KIF19: variants seen among roughly 807,000 people sequenced by gnomAD.
The protein encoded by KIF19 is kinesin family member 19.
KIF19 carries 98 observed loss-of-function variants against 106.6 expected under a neutral mutation model. The ratio of observed to expected loss-of-function variants is 0.92; its 90% confidence interval spans 0.78 to 1.09. The LOEUF (loss-of-function observed/expected upper bound fraction) is 1.09. KIF19 is among the 50% of genes least tolerant of loss of function. KIF19 has a pLI of 0.00. For synonymous variants in KIF19, 516 were observed against 584.2 expected, an observed-to-expected ratio of 0.88 and a Z score of 1.68; for missense variants, 1,373 against 1,414.3, an observed-to-expected ratio of 0.97 and a Z score of 0.47.
At chr17:74,336,338 C>G (rs139468160) in intron 2 of KIF19, among the ~76,000 whole-genome samples, 1 of 152,154 alleles carries the variant, frequency 6.6e-6, no homozygotes, top group Admixed American at 6.5e-5. Context: ...GGATTACAGG[C>G]GTGAGCCACC....
intron 2 of KIF19, among the ~76,000 whole-genome samples, chr17:74,332,207 TG>T (rs2054108217): frequency 3.1e-3 from 144 of 47,048 alleles, no homozygotes; most frequent in African/African-American, 0.011. Context: ...TGTGTGTGTG[TG>T]TTTGTGTGTG....
intron 1 of KIF19, among the ~76,000 whole-genome samples, chr17:74,327,655 T>C (rs907299878): frequency 6.6e-6 from 1 of 152,170 alleles, no homozygotes; most frequent in Admixed American, 6.5e-5. Context: ...GTATTTTTAG[T>C]AGAGACGGTG....
Position 74,351,995 on chromosome 17 carries a change from C to T in KIF19, c.1716C>T (p.Leu572=). The change falls in exon 13 of 20, where the codon CTC becomes CTT. Residue 572 remains leucine, a synonymous_variant. Transcript: ENST00000389916. ...VLSLLCRVHE[L]EVENTEMQSH... ...GCCTGCTGTGCCGCGTGCACGAGCT[C>T]GAGGTGGAGAACACCGAGATGCAGT... is the stretch of plus-strand genomic sequence containing the variant. 1 of 1,543,740 alleles carries T rather than the reference C, an allele frequency of 6.5e-7. No homozygotes were observed. Among genetic ancestry groups the T allele is most frequent in the Non-Finnish European group, 8.7e-7 (1 of 1,153,086 alleles).
At chr17:74,341,382 T>G (rs554703077) in intron 2 of KIF19, among the ~76,000 whole-genome samples, 4 of 152,320 alleles carry the variant, frequency 2.6e-5, no homozygotes, top group Non-Finnish European at 4.4e-5. Flanking sequence ...TGACACAAAA[T>G]GAGCCCTGAC....
Position 74,341,881 on chromosome 17 carries a change from G to A in KIF19, c.126G>A (p.Val42=), listed in dbSNP as rs1567906776. The part of the protein sequence containing the change: ...LIAHKVDEQM[V]VLMDPMEDPD... The stretch of plus-strand genomic sequence containing the variant: ...TCCCTCTGGGGACCTTGCAGATGGT[G>A]GTTCTCATGGACCCAATGGAGGATC... The change falls in exon 3 of 20, where the codon GTG becomes GTA. Residue 42 remains valine (V), a synonymous_variant. Transcript: ENST00000389916. 6.2e-7 allele frequency: 1 copy of A among 1,613,376 alleles called. No homozygotes were observed. The highest frequency in any genetic ancestry group is 2.2e-5 in the East Asian group (1 of 44,862).
intron 1 of KIF19, 42 bp from the exon 2 acceptor site, chr17:74,328,383 G>A (rs1227654468): frequency 2.6e-6 from 4 of 1,565,262 alleles, no homozygotes; most frequent in Non-Finnish European, 8.7e-7. Flanking sequence ...GCCCAGCATG[G>A]TCCTCTCCCT....
chr17:74,332,939 C>T (rs1182503064), intron 2 of KIF19, among the ~76,000 whole-genome samples: 1 of 152,220 alleles, frequency 6.6e-6, no homozygotes, highest in Non-Finnish European at 1.5e-5. Flanking sequence ...GAAACCTGCC[C>T]CACCCACCCC....
chr17:74,344,382 G>A (rs757711335), intron 6 of KIF19, 34 bp downstream of exon 6: 16 of 1,605,270 alleles, frequency 1.0e-5, no homozygotes, highest in Non-Finnish European at 1.4e-5. Flanking sequence ...GAGCCGCTGA[G>A]AGGAAGCTCA....
intron 2 of KIF19, among the ~76,000 whole-genome samples, chr17:74,339,945 T>C (rs1217083386): frequency 6.6e-6 from 1 of 152,122 alleles, no homozygotes; most frequent in Non-Finnish European, 1.5e-5. Context: ...GGCAGAGTCA[T>C]GGGTGCGGGG....
chr17:74,347,582 G>A (rs1470175168), intron 8 of KIF19, among the ~76,000 whole-genome samples, 195 bp from the exon 9 acceptor site: 1 of 151,570 alleles, frequency 6.6e-6, no homozygotes. Flanking sequence ...GCTTTATTAA[G>A]GTTACACAGC....
intron 5 of KIF19, among the ~76,000 whole-genome samples, chr17:74,343,692 T>G (rs566463861): frequency 6.6e-6 from 1 of 152,282 alleles, no homozygotes; most frequent in East Asian, 1.9e-4. Flanking sequence ...GATAATCTCC[T>G]GGGTGACATC....
rs985360573 is a variant in KIF19 at position 74,334,192 on chromosome 17, C to T, written c.120+5687C>T. On this transcript the variant is annotated intron_variant, in intron 2 of 19. Transcript: ENST00000389916. The stretch of plus-strand genomic sequence containing the variant: ...TGTGGATTCACCGTGTTCTGTTTAT[C>T]CTTTCATCAGTTGATGGGTGTGTGG... 5.9e-5 allele frequency among the ~76,000 whole-genome samples: 9 copies of T among 152,142 alleles called. No homozygotes were observed. The South Asian group carries it at 1.0e-3, about 18-fold the overall frequency.
intron 12 of KIF19, chr17:74,351,115 T>G: frequency 1.7e-6 from 1 of 586,908 alleles, no homozygotes; most frequent in Non-Finnish European, 3.1e-6. Flanking sequence ...GCAGCCCTCA[T>G]GGGGTTGCTG....
Position 74,350,749 on chromosome 17 carries a change from G to A in KIF19, c.1431G>A (p.Glu477=). 1.2e-6 allele frequency: 2 copies of A among 1,613,992 alleles called. No homozygotes were observed. Among genetic ancestry groups the A allele is most frequent in the South Asian group, 1.1e-5 (1 of 91,080 alleles). Residue 477 remains glutamate (E), a synonymous_variant, in exon 12 of 20, where the codon GAG becomes GAA. Coordinates refer to ENST00000389916, the MANE Select transcript of KIF19 (RefSeq NM_153209.4). ...EKSRRALKWR[E]EQRKECYAKD... ...CCCGCCGGGCCCTCAAATGGCGGGA[G>A]GAGCAGCGAAAGGAGTGCTACGCTA...
intron 12 of KIF19, chr17:74,351,256 G>A (rs546104750): frequency 3.8e-6 from 1 of 263,658 alleles, no homozygotes; most frequent in East Asian, 9.8e-5. Context: ...GTTGAGGTAG[G>A]CAGATCACTT....
chr17:74,336,812 C>A (rs975813077), intron 2 of KIF19, among the ~76,000 whole-genome samples: 1 of 152,084 alleles, frequency 6.6e-6, no homozygotes, highest in Non-Finnish European at 1.5e-5. Flanking sequence ...AGAGTGCCCT[C>A]TCTTTTTTTA....
chr17:74,344,973 G>A lies in KIF19; in HGVS notation c.777+18G>A. 1.3e-6 allele frequency: 2 copies of A among 1,584,404 alleles called. No individual in the cohort carries two copies. The highest frequency in any genetic ancestry group is 1.7e-6 in the Non-Finnish European group (2 of 1,167,926). Reference sequence around the variant, plus strand: ...CCTCGCAGGTGAGGCTGGGACCTGGGCTGGGCAGAGGAGGGAGGGTTGACC... The same window carrying A: ...CCTCGCAGGTGAGGCTGGGACCTGGACTGGGCAGAGGAGGGAGGGTTGACC... On this transcript the variant is annotated intron_variant, in intron 7 of 19. Transcript: ENST00000389916.
chr17:74,353,098 CT>C, intron 15 of KIF19, 97 bp from the exon 16 acceptor site: 1 of 1,400,816 alleles, frequency 7.1e-7, no homozygotes, highest in Non-Finnish European at 9.9e-7. Context: ...CCTGGGTTCT[CT>C]CTCCTTTCAC....
At chr17:74,354,678 C>T (rs2054826012) in intron 18 of KIF19, 104 bp from the exon 19 acceptor site, 1 of 1,507,402 alleles carries the variant, frequency 6.6e-7, no homozygotes, top group Admixed American at 2.0e-5. Flanking sequence ...GGAGGCACCA[C>T]CCTCCACAGT....
Sources: allele counts gnomAD v4.1 joint callset (sites outside exome capture counted in the v4.1 genomes callset), GRCh38; gene constraint gnomAD v4.1.1; transcripts MANE v1.5; gene names NCBI Gene and HGNC (gene_info 2026-07-23, HGNC 2026-07-21).